The following IFT122 variants were observed in gnomAD, a reference collection of about 807,000 sequenced individuals.
The protein encoded by IFT122 is intraflagellar transport protein 122 homolog.
A neutral mutation model predicts 161.6 loss-of-function variants in IFT122; 118 were observed. The ratio of observed to expected loss-of-function variants is 0.73; its 90% CI spans 0.63 to 0.85. The LOEUF is 0.85. IFT122 is among the 40% of genes least tolerant of loss of function. IFT122 has a pLI of 0.00. For missense variants in IFT122, 1,381 were observed against 1,579.6 expected (o/e 0.87, Z 2.13); for synonymous variants, 550 against 602.4 (o/e 0.91, Z 1.27).
chr3:129,516,829 G>C lies in IFT122; in HGVS notation c.3266-640G>C, dbSNP rs111162338. On this transcript the variant is annotated intron_variant, in intron 26 of 29. Coordinates refer to ENST00000348417, the MANE Select transcript of IFT122 (RefSeq NM_052989.3). ...GAGACTGCCCCTGCACACACACACA[G>C]AGACTGCCCCTGCACACACACACAC... Among the ~76,000 whole-genome samples, 433 of 93,576 alleles carry C rather than the reference G, an allele frequency of 4.6e-3. 17 individuals carry two copies. In the East Asian group the frequency reaches 0.091, roughly 20 times the overall value. 61.4% of individuals were successfully genotyped at this position (93,576 alleles called of 152,430 possible). A position where few individuals can be genotyped will look rare whatever the true frequency, so the allele number is the denominator to read the frequency against.
intron 17 of IFT122, among the ~76,000 whole-genome samples, chr3:129,492,942 C>T (rs2080329002): frequency 6.6e-6 from 1 of 151,822 alleles, no homozygotes; most frequent in African/African-American, 2.4e-5. Context: ...CCTAGCCTCC[C>T]AAGTAGCTGG....
chr3:129,482,351 G>C (rs1272535074), intron 14 of IFT122, among the ~76,000 whole-genome samples: 1 of 152,270 alleles, frequency 6.6e-6, no homozygotes, highest in South Asian at 2.1e-4. Flanking sequence ...TGCTGGGCTC[G>C]CGCCATTCTT....
chr3:129,470,417 C>G (rs555951185), intron 9 of IFT122, among the ~76,000 whole-genome samples: 38 of 152,062 alleles, frequency 2.5e-4, no homozygotes, highest in Non-Finnish European at 4.7e-4. Flanking sequence ...GCGCCCACCA[C>G]CACGCCTGGC....
At chr3:129,449,791 A>G (rs974910034) in intron 1 of IFT122, 80 bp from the exon 2 acceptor site, 1 of 940,992 alleles carries the variant, frequency 1.1e-6, no homozygotes, top group Non-Finnish European at 1.8e-6. Flanking sequence ...TCTTAATGGC[A>G]ATAAAGTTTA....
chr3:129,480,529 C>T (rs956257216), intron 13 of IFT122, among the ~76,000 whole-genome samples: 9 of 152,246 alleles, frequency 5.9e-5, no homozygotes, highest in African/African-American at 2.2e-4. Context: ...ATTAGCCTGA[C>T]AGCCAAGCTG....
chr3:129,506,323 G>A (rs2082186316), intron 21 of IFT122, 86 bp from the exon 22 acceptor site: 5 of 1,528,640 alleles, frequency 3.3e-6, no homozygotes, highest in Non-Finnish European at 4.5e-6. Flanking sequence ...AAGCAGCCCT[G>A]TGCAAGCCCC....
intron 9 of IFT122, among the ~76,000 whole-genome samples, chr3:129,470,896 G>C (rs938219873): frequency 6.6e-6 from 1 of 152,198 alleles, no homozygotes; most frequent in Non-Finnish European, 1.5e-5. Flanking sequence ...TAAAGGACCT[G>C]AGTAGTGTGA....
At chr3:129,447,929 AG>A (rs2074233558) in intron 1 of IFT122, among the ~76,000 whole-genome samples, 1 of 152,234 alleles carries the variant, frequency 6.6e-6, no homozygotes, top group Non-Finnish European at 1.5e-5. Context: ...AAATTTTAAA[AG>A]AGCCCTGGTT....
chr3:129,453,470 G>A (rs1376654653), intron 3 of IFT122, among the ~76,000 whole-genome samples: 1 of 152,134 alleles, frequency 6.6e-6, no homozygotes, highest in Non-Finnish European at 1.5e-5. Flanking sequence ...CTTGAAGATT[G>A]TGATCATGAA....
intron 7 of IFT122, among the ~76,000 whole-genome samples, 178 bp downstream of exon 7, chr3:129,464,959 A>C (rs2076559627): frequency 6.6e-6 from 1 of 151,850 alleles, no homozygotes; most frequent in Non-Finnish European, 1.5e-5. Flanking sequence ...GAATGTATGG[A>C]ATTTATTAAG....
chr3:129,460,818 CT>C, intron 4 of IFT122: 1 of 1,560,928 alleles, frequency 6.4e-7, no homozygotes, highest in South Asian at 1.1e-5. Context: ...ATTTGCTCAG[CT>C]TTCATTGTTG....
chr3:129,495,456 A>G lies in IFT122; in HGVS notation c.2057A>G (p.Lys686Arg). Residue 686 changes from lysine (K) to arginine (R), a missense_variant, in exon 18 of 30, where the codon AAG becomes AGG. Lys to Arg is a conservative substitution (Grantham distance 26). Around this residue, in one of 7 missense-constraint regions of IFT122, gnomAD observed 496 missense variants for 502.5 expected, o/e 0.99. Transcript: ENST00000348417. ...ELISSIEERK[K>R]RGETNNDLFL... Reference sequence around the variant, plus strand: ...TTCTAATTTTTCCAGGAGAGGAAGAAGCGGGGAGAGACCAACAATGACCTG... The same window carrying G: ...TTCTAATTTTTCCAGGAGAGGAAGAGGCGGGGAGAGACCAACAATGACCTG... 6.2e-7 allele frequency: 1 copy of G among 1,614,158 alleles called. No homozygotes were observed. The highest frequency in any genetic ancestry group is 8.5e-7 in the Non-Finnish European group (1 of 1,180,016).
intron 21 of IFT122, among the ~76,000 whole-genome samples, chr3:129,505,450 A>G (rs2082095942): frequency 6.6e-6 from 1 of 152,206 alleles, no homozygotes. Flanking sequence ...CAGCATTTCC[A>G]GAGCACCCAG....
intron 11 of IFT122, among the ~76,000 whole-genome samples, chr3:129,477,711 C>A (rs1392203562): frequency 6.6e-6 from 1 of 152,202 alleles, no homozygotes; most frequent in Non-Finnish European, 1.5e-5. Context: ...GGCTTCTGAT[C>A]ACCGGGGGCC....
chr3:129,452,120 T>C (rs1433068150), intron 3 of IFT122, 122 bp downstream of exon 3: 3 of 767,700 alleles, frequency 3.9e-6, no homozygotes, highest in East Asian at 2.7e-5. Context: ...CAGAAGACAG[T>C]GAAGTTGCTA....
At position 129,476,646 on chromosome 3, in the gene IFT122, G is replaced by A. The variant is rs984371935; in HGVS notation, c.1009-17G>A. 4 of 1,614,236 alleles carry A rather than the reference G, an allele frequency of 2.5e-6. No individual in the cohort carries two copies. Among genetic ancestry groups the A allele is most frequent in the Middle Eastern group, 3.3e-4 (2 of 6,060 alleles). On this transcript the variant is annotated splice_polypyrimidine_tract_variant and intron_variant, in intron 10 of 29. Transcript: ENST00000348417. Reference sequence around the variant, plus strand: ...TTCTCCAGAGAGCTGGGAATTGACAGTTCTCTCACCCCGCAGGTGGTCGGC... The same window carrying A: ...TTCTCCAGAGAGCTGGGAATTGACAATTCTCTCACCCCGCAGGTGGTCGGC...
intron 22 of IFT122, among the ~76,000 whole-genome samples, chr3:129,507,366 A>G (rs555897183): frequency 1.3e-5 from 2 of 152,350 alleles, no homozygotes; most frequent in Admixed American, 1.3e-4. Flanking sequence ...GTCTTGCTGC[A>G]GCTGTCGCTC....
intron 9 of IFT122, among the ~76,000 whole-genome samples, chr3:129,469,934 G>A (rs908571571): frequency 1.2e-4 from 19 of 152,190 alleles, no homozygotes; most frequent in Admixed American, 1.2e-3. Context: ...CCCCTGTGTG[G>A]TGTGGTATGT....
At chr3:129,505,569 T>C (rs1451784545) in intron 21 of IFT122, among the ~76,000 whole-genome samples, 1 of 152,018 alleles carries the variant, frequency 6.6e-6, no homozygotes. Context: ...AGACAAGAGG[T>C]TGTAGATGAG....
Sources: gnomAD v4.1 joint callset for allele counts (sites outside exome capture counted in the v4.1 genomes callset) on GRCh38, gnomAD v4.1.1 for gene constraint, gnomAD v4.1.1 regional missense constraint, MANE v1.5 for transcripts, NCBI Gene and HGNC (gene_info 2026-07-23, HGNC 2026-07-21) for gene names.